SPOCK1: variants seen among roughly 807,000 people sequenced by gnomAD.
SPOCK1 encodes SPARC (osteonectin), cwcv and kazal like domains proteoglycan 1, also known as testican-1.
A neutral mutation model predicts 55.3 loss-of-function variants in SPOCK1; 23 were observed. The ratio of observed to expected loss-of-function variants is 0.42; its 90% CI spans 0.30 to 0.59. The LOEUF (loss-of-function observed/expected upper bound fraction) is 0.59, where lower values mean the gene tolerates loss of function less well. Ranked by LOEUF, SPOCK1 falls within the 20% of genes least tolerant of loss-of-function variation. The pLI is 0.22. For synonymous variants in SPOCK1, 226 were observed against 221.0 expected, an observed-to-expected ratio of 1.02 and a Z score of -0.20; for missense variants, 499 against 552.5, an observed-to-expected ratio of 0.90 and a Z score of 0.97.
chr5:137,068,759 G>A (rs74837221), intron 5 of SPOCK1, among the ~76,000 whole-genome samples: 86 of 152,294 alleles, frequency 5.6e-4, no homozygotes, highest in African/African-American at 1.9e-3. Flanking sequence ...ATGGGGCTTC[G>A]GAATACAGAC....
intron 3 of SPOCK1, among the ~76,000 whole-genome samples, chr5:137,190,136 G>A (rs757805076): frequency 2.0e-5 from 3 of 152,068 alleles, no homozygotes; most frequent in African/African-American, 4.8e-5. Context: ...AAATGATCAC[G>A]AAGAATTTAG....
intron 3 of SPOCK1, among the ~76,000 whole-genome samples, chr5:137,243,739 T>C (rs1756336839): frequency 6.6e-6 from 1 of 152,178 alleles, no homozygotes; most frequent in Non-Finnish European, 1.5e-5. Flanking sequence ...AATCCCTTAT[T>C]ATGACTGAAC....
At chr5:137,006,774 C>G (rs1751258147) in intron 6 of SPOCK1, among the ~76,000 whole-genome samples, 2 of 152,248 alleles carry the variant, frequency 1.3e-5, no homozygotes, top group Non-Finnish European at 1.5e-5. Flanking sequence ...TTGTCTTGTG[C>G]CAGTTTTCAA....
intron 2 of SPOCK1, among the ~76,000 whole-genome samples, chr5:137,373,574 G>A (rs1751247494): frequency 6.6e-6 from 1 of 152,178 alleles, no homozygotes; most frequent in African/African-American, 2.4e-5. Context: ...GCCAGACTGG[G>A]GGCAGCCAAG....
intron 2 of SPOCK1, among the ~76,000 whole-genome samples, chr5:137,342,742 G>A (rs78094792): frequency 1.3e-5 from 2 of 152,356 alleles, no homozygotes; most frequent in East Asian, 3.9e-4. Flanking sequence ...AATTACCTGT[G>A]GTTGAGGAAG....
At chr5:137,091,416 T>A (rs528936916) in intron 5 of SPOCK1, among the ~76,000 whole-genome samples, 6 of 152,216 alleles carry the variant, frequency 3.9e-5, no homozygotes, top group Non-Finnish European at 7.3e-5. Flanking sequence ...TCCTTCATCA[T>A]GATATCAATG....
intron 3 of SPOCK1, among the ~76,000 whole-genome samples, chr5:137,161,084 A>G (rs1381921364): frequency 6.8e-6 from 1 of 147,148 alleles, no homozygotes; most frequent in African/African-American, 2.5e-5. Context: ...AATATATATT[A>G]CATATTATAT....
At chr5:137,263,946 A>C (rs1756798986) in intron 3 of SPOCK1, among the ~76,000 whole-genome samples, 1 of 152,086 alleles carries the variant, frequency 6.6e-6, no homozygotes, top group Non-Finnish European at 1.5e-5. Flanking sequence ...TGATGATAGC[A>C]CTCGCTCCAT....
chr5:137,098,666 G>A (rs1753201487), intron 5 of SPOCK1, among the ~76,000 whole-genome samples: 1 of 152,196 alleles, frequency 6.6e-6, no homozygotes, highest in Non-Finnish European at 1.5e-5. Context: ...CTACATGGCT[G>A]AAAGCTTTGT....
At chr5:137,349,503 C>G (rs1580879310) in intron 2 of SPOCK1, among the ~76,000 whole-genome samples, 1 of 152,180 alleles carries the variant, frequency 6.6e-6, no homozygotes, top group South Asian at 2.1e-4. Flanking sequence ...AGGGGAATAT[C>G]TTTGTTTCCT....
chr5:137,128,940 G>A lies in SPOCK1; in HGVS notation c.347+11640C>T, dbSNP rs549344527. ...ACAAGCTCAATGAGGATATCGTTAG[G>A]ATTTCTAATGCACACAGAACCCTCT... On this transcript the variant is annotated intron_variant, in intron 4 of 10. Transcript: ENST00000394945. Among the ~76,000 whole-genome samples the A allele has an allele frequency of 4.6e-5, 7 of 152,274 alleles. No homozygotes were observed. In the South Asian group the frequency reaches 1.2e-3, roughly 27 times the overall value.
chr5:137,212,381 C>A (rs1755633945), intron 3 of SPOCK1, among the ~76,000 whole-genome samples: 1 of 152,062 alleles, frequency 6.6e-6, no homozygotes, highest in Non-Finnish European at 1.5e-5. Context: ...CACCCAGTGT[C>A]TGGCAAATAA....
intron 3 of SPOCK1, among the ~76,000 whole-genome samples, chr5:137,254,347 T>A (rs1017709321): frequency 6.6e-6 from 1 of 152,190 alleles, no homozygotes; most frequent in Non-Finnish European, 1.5e-5. Context: ...CTCCTGTATG[T>A]ACGCACTGTG....
At chr5:137,131,926 C>A (rs1344209441) in intron 4 of SPOCK1, among the ~76,000 whole-genome samples, 26 of 95,934 alleles carry the variant, frequency 2.7e-4, no homozygotes, top group African/African-American at 3.9e-4. Flanking sequence ...GAGCCGAGAT[C>A]GCGCCACTGC....
Position 137,044,093 on chromosome 5 carries a change from A to C in SPOCK1, c.589+23622T>G, listed in dbSNP as rs75452745. 4.0e-3 allele frequency among the ~76,000 whole-genome samples: 613 copies of C among 152,330 alleles called. 3 individuals are homozygous for C. The highest frequency in any genetic ancestry group is 0.014 in the African/African-American group (579 of 41,570). The stretch of plus-strand genomic sequence containing the variant: ...CATTAAATTAATGACTTTGGGATAT[A>C]GTAGAGCTTTATTGGACACCAGTTG... On this transcript the variant is annotated intron_variant, in intron 6 of 10. Coordinates refer to ENST00000394945, the MANE Select transcript of SPOCK1 (RefSeq NM_004598.4).
intron 2 of SPOCK1, among the ~76,000 whole-genome samples, chr5:137,385,161 G>C (rs1276850849): frequency 6.6e-6 from 1 of 152,064 alleles, no homozygotes; most frequent in Non-Finnish European, 1.5e-5. Flanking sequence ...ATTCCAAAAA[G>C]AATTTGAGGC....
intron 3 of SPOCK1, among the ~76,000 whole-genome samples, chr5:137,191,881 C>T (rs952616238): frequency 5.3e-5 from 8 of 152,144 alleles, no homozygotes; most frequent in African/African-American, 1.9e-4. Flanking sequence ...CACCATCTGT[C>T]CTTGCGGAAA....
chr5:137,165,229 A>T (rs1718339444), intron 3 of SPOCK1, among the ~76,000 whole-genome samples: 1 of 152,152 alleles, frequency 6.6e-6, no homozygotes, highest in Non-Finnish European at 1.5e-5. Context: ...AGAAAGAAAG[A>T]CTTTGTTTGT....
chr5:137,286,217 A>G (rs940611212), intron 2 of SPOCK1, among the ~76,000 whole-genome samples: 1 of 152,210 alleles, frequency 6.6e-6, no homozygotes, highest in African/African-American at 2.4e-5. Flanking sequence ...ATCTAGGTCC[A>G]TTCGTTTTTA....
Sources: allele counts gnomAD v4.1 joint callset (sites outside exome capture counted in the v4.1 genomes callset), GRCh38; gene constraint gnomAD v4.1.1; transcripts MANE v1.5; gene names NCBI Gene and HGNC (gene_info 2026-07-23, HGNC 2026-07-21).